Variants in ADAMTSL1 observed in about 807,000 individuals in gnomAD.
ADAMTSL1 encodes ADAMTS like 1.
ADAMTSL1 carries 126 observed loss-of-function variants against 201.8 expected under a neutral mutation model. The ratio of observed to expected loss-of-function variants is 0.62; its 90% confidence interval spans 0.54 to 0.72. The LOEUF (loss-of-function observed/expected upper bound fraction) is 0.72, where lower values mean the gene tolerates loss of function less well. ADAMTSL1 is among the 30% of genes least tolerant of loss of function. ADAMTSL1 has a pLI of 0.00. For missense variants in ADAMTSL1, 2,679 were observed against 2,277.8 expected (o/e 1.18, Z -3.59); for synonymous variants, 1,121 against 903.4 (o/e 1.24, Z -4.32).
At chr9:18,242,634 G>C (rs989496579) in intron 2 of ADAMTSL1, among the ~76,000 whole-genome samples, 1 of 151,942 alleles carries the variant, frequency 6.6e-6, no homozygotes, top group Non-Finnish European at 1.5e-5. Context: ...CCACAAATAA[G>C]CTTTTAAATA....
chr9:18,740,492 T>TTTG (rs1564195523), intron 15 of ADAMTSL1, among the ~76,000 whole-genome samples: 2 of 140,430 alleles, frequency 1.4e-5, no homozygotes, highest in Non-Finnish European at 3.1e-5. Flanking sequence ...TTTTTTTTTT[T>TTTG]TTTGAGAGGA....
chr9:18,126,902 T>C (rs17775838), intron 1 of ADAMTSL1, among the ~76,000 whole-genome samples: 5,972 of 152,288 alleles, frequency 0.039, 161 homozygotes, highest in Non-Finnish European at 0.063. Flanking sequence ...GGGAGTTTCC[T>C]ACACAACATT....
At chr9:18,223,404 A>G (rs1830334011) in intron 2 of ADAMTSL1, among the ~76,000 whole-genome samples, 1 of 152,112 alleles carries the variant, frequency 6.6e-6, no homozygotes, top group African/African-American at 2.4e-5. Context: ...CTCCTTTAAG[A>G]ACTACAAATA....
intron 23 of ADAMTSL1, among the ~76,000 whole-genome samples, chr9:18,883,319 CA>C (rs1828655336): frequency 6.6e-6 from 1 of 152,266 alleles, no homozygotes; most frequent in African/African-American, 2.4e-5. Flanking sequence ...CCAGTCCCGG[CA>C]TGACTTTCTA....
At chr9:18,045,138 T>A (rs1266726805) in intron 1 of ADAMTSL1, among the ~76,000 whole-genome samples, 3 of 152,086 alleles carry the variant, frequency 2.0e-5, no homozygotes, top group Non-Finnish European at 4.4e-5. Context: ...GAAAGGAGGT[T>A]CTATTAGAAG....
At chr9:18,663,461 T>A (rs982618568) in intron 9 of ADAMTSL1, among the ~76,000 whole-genome samples, 2 of 152,114 alleles carry the variant, frequency 1.3e-5, no homozygotes, top group African/African-American at 4.8e-5. Flanking sequence ...ATCTTAAGGG[T>A]TTGAACTTTT....
chr9:18,354,048 CATATATATAT>C, intron 2 of ADAMTSL1, among the ~76,000 whole-genome samples: 1 of 142,578 alleles, frequency 7.0e-6, no homozygotes, highest in African/African-American at 2.5e-5. Context: ...TTTTTCTATA[CATATATATAT>C]ATATATATAT....
intron 16 of ADAMTSL1, 112 bp from the exon 17 acceptor site, chr9:18,770,490 T>C: frequency 1.7e-6 from 2 of 1,146,554 alleles, no homozygotes; most frequent in Non-Finnish European, 2.4e-6. Context: ...TTTCTTCTTC[T>C]TCTGGATTTT....
At chr9:18,157,347 G>A (rs776697401) in intron 1 of ADAMTSL1, among the ~76,000 whole-genome samples, 3 of 151,912 alleles carry the variant, frequency 2.0e-5, no homozygotes, top group Non-Finnish European at 4.4e-5. Flanking sequence ...ATCCTGTCTT[G>A]TCAAGGTGTA....
chr9:18,579,552 C>A (rs896851956), intron 4 of ADAMTSL1, among the ~76,000 whole-genome samples: 6 of 152,006 alleles, frequency 3.9e-5, no homozygotes, highest in Non-Finnish European at 8.8e-5. Context: ...ATAAATACTA[C>A]TTGTATTAAT....
At chr9:18,768,351 C>T (rs1283634870) in intron 16 of ADAMTSL1, among the ~76,000 whole-genome samples, 1 of 151,996 alleles carries the variant, frequency 6.6e-6, no homozygotes, top group African/African-American at 2.4e-5. Context: ...GCGTCCAGAG[C>T]ATGGTGTCCA....
At chr9:18,477,691 A>G (rs1821523367) in intron 1 of ADAMTSL1, among the ~76,000 whole-genome samples, 1 of 152,236 alleles carries the variant, frequency 6.6e-6, no homozygotes, top group Non-Finnish European at 1.5e-5. Context: ...GCATAGATCT[A>G]CAGAACGCTA....
In ADAMTSL1 at chr9:18,910,707, C is replaced by T. The variant is rs1406523339; in HGVS notation, c.*2159C>T. 2 of 152,196 alleles carry T rather than the reference C, an allele frequency of 1.3e-5. No homozygotes were observed. The highest frequency in any genetic ancestry group is 4.8e-5 in the African/African-American group (2 of 41,442). The allele number at this position is 152,196 out of a possible 1,614,324, so 9.4% of individuals were successfully genotyped here. A position where few individuals can be genotyped will look rare whatever the true frequency, so the allele number is the denominator to read the frequency against. On this transcript the variant is annotated 3_prime_UTR_variant, in exon 29 of 29. Transcript: ENST00000380548. ...CTAAAGAGCAAGCATCCTCCAGCTC[C>T]ATGTTGGGTTGGAGCAGTTGGCAGT...
intron 3 of ADAMTSL1, among the ~76,000 whole-genome samples, chr9:18,568,096 AC>A (rs1322831626): frequency 6.6e-6 from 1 of 152,144 alleles, no homozygotes; most frequent in East Asian, 1.9e-4. Flanking sequence ...ACTGTGTGTA[AC>A]TAAAACCCCA....
intron 4 of ADAMTSL1, among the ~76,000 whole-genome samples, chr9:18,589,582 A>G (rs1489710423): frequency 2.0e-5 from 3 of 152,140 alleles, no homozygotes; most frequent in African/African-American, 4.8e-5. Context: ...CTTTTGACTA[A>G]TTGCTCTGGC....
At chr9:18,184,249 C>G (rs1006183117) in intron 2 of ADAMTSL1, among the ~76,000 whole-genome samples, 2 of 152,136 alleles carry the variant, frequency 1.3e-5, no homozygotes, top group Non-Finnish European at 2.9e-5. Flanking sequence ...AATACTTTAC[C>G]TATAACCTCT....
intron 1 of ADAMTSL1, among the ~76,000 whole-genome samples, chr9:18,015,684 G>C (rs990053894): frequency 6.6e-6 from 1 of 151,990 alleles, no homozygotes; most frequent in Non-Finnish European, 1.5e-5. Context: ...GGTAGAGCAG[G>C]ATATGGACTG....
intron 15 of ADAMTSL1, among the ~76,000 whole-genome samples, chr9:18,740,028 G>A (rs1818728889): frequency 6.6e-6 from 1 of 151,968 alleles, no homozygotes; most frequent in African/African-American, 2.4e-5. Flanking sequence ...ACAGAGACAG[G>A]GAGATCTCTG....
intron 13 of ADAMTSL1, among the ~76,000 whole-genome samples, chr9:18,705,560 C>G (rs915374216): frequency 6.6e-6 from 1 of 152,124 alleles, no homozygotes; most frequent in Non-Finnish European, 1.5e-5. Flanking sequence ...ATGTTGAGCA[C>G]ACTTGTCTGA....
Sources: allele counts gnomAD v4.1 joint callset (sites outside exome capture counted in the v4.1 genomes callset), GRCh38; gene constraint gnomAD v4.1.1; transcripts MANE v1.5; gene names NCBI Gene and HGNC (gene_info 2026-07-23, HGNC 2026-07-21).